ADGRL3: variants seen among roughly 807,000 people sequenced by gnomAD.
ADGRL3 encodes the protein calcium-independent alpha-latrotoxin receptor 3.
In ADGRL3, 62 loss-of-function variants were observed where a neutral mutation model predicts 153.5. That is an observed-to-expected ratio of 0.40 (90% CI 0.33 to 0.50). The LOEUF is 0.50. Ranked by LOEUF, ADGRL3 falls within the 20% of genes least tolerant of loss-of-function variation. The pLI, the probability that ADGRL3 is intolerant of heterozygous loss-of-function variation, is 0.47. For missense variants in ADGRL3, 1,641 were observed against 1,859.4 expected, an observed-to-expected ratio of 0.88 and a Z score of 2.16; for synonymous variants, 710 against 672.5, an observed-to-expected ratio of 1.06 and a Z score of -0.86.
intron 6 of ADGRL3, among the ~76,000 whole-genome samples, chr4:61,719,748 C>T (rs1032672743): frequency 1.3e-5 from 2 of 151,730 alleles, no homozygotes; most frequent in African/African-American, 4.8e-5. Context: ...ACTACAGGTG[C>T]CCACCACTAC....
chr4:61,939,415 C>G (rs577099597), intron 15 of ADGRL3, among the ~76,000 whole-genome samples: 1 of 151,872 alleles, frequency 6.6e-6, no homozygotes, highest in Non-Finnish European at 1.5e-5. Context: ...CTCTCCTCAC[C>G]TAATAAAACT....
intron 25 of ADGRL3, among the ~76,000 whole-genome samples, chr4:62,046,838 A>G (rs766682663): frequency 1.3e-5 from 2 of 151,700 alleles, no homozygotes; most frequent in South Asian, 2.1e-4. Context: ...TTATTTTTTT[A>G]TCTTAGATGA....
intron 2 of ADGRL3, among the ~76,000 whole-genome samples, chr4:61,432,641 TCTTTC>T (rs2097381674): frequency 1.2e-5 from 1 of 82,666 alleles, no homozygotes; most frequent in Non-Finnish European, 2.5e-5. Context: ...TTTCTTTCTT[TCTTTC>T]TTTCTTTCTT....
Position 61,258,092 on chromosome 4 carries a change from C to A in ADGRL3, c.-240+56327C>A, listed in dbSNP as rs542307883. On this transcript the variant is annotated intron_variant, in intron 1 of 26. Coordinates refer to ENST00000683033, the MANE Select transcript of ADGRL3 (RefSeq NM_001387552.1). ...AACCTTAGTGCAAGGACCTATCCCC[C>A]CCAGACTAAATACTGATTATCACAA... Among the ~76,000 whole-genome samples the A allele has an allele frequency of 5.3e-5, 8 of 152,284 alleles. No individual in the cohort carries two copies. In the South Asian group the frequency reaches 1.2e-3, roughly 24 times the overall value.
chr4:61,934,246 G>C (rs563696236), intron 13 of ADGRL3, among the ~76,000 whole-genome samples: 2 of 152,192 alleles, frequency 1.3e-5, no homozygotes, highest in East Asian at 3.9e-4. Flanking sequence ...GCATGAAGGA[G>C]GTTTCTCTTT....
intron 2 of ADGRL3, among the ~76,000 whole-genome samples, chr4:61,407,588 T>C (rs1202624345): frequency 6.6e-6 from 1 of 152,136 alleles, no homozygotes; most frequent in Non-Finnish European, 1.5e-5. Flanking sequence ...TAGTTTAACT[T>C]GCATCGTTTT....
intron 8 of ADGRL3, among the ~76,000 whole-genome samples, chr4:61,808,738 G>A (rs1420180066): frequency 6.8e-6 from 1 of 147,842 alleles, no homozygotes; most frequent in Non-Finnish European, 1.5e-5. Flanking sequence ...TTTTGTGTTT[G>A]TTTGTTTGTT....
rs753631322 is a variant in ADGRL3 at position 61,935,020 on chromosome 4, A to G, written c.2293A>G (p.Ile765Val). The G allele has an allele frequency of 6.2e-7, 1 of 1,613,300 alleles. No homozygotes were observed. The highest frequency in any genetic ancestry group is 8.5e-7 in the Non-Finnish European group (1 of 1,179,394). The change falls in exon 14 of 27, where the codon ATT becomes GTT. Residue 765 changes from isoleucine to valine, a missense_variant. Physicochemically the swap from Ile to Val is conservative, Grantham distance 29 (BLOSUM62 3). Around this residue, in one of 5 missense-constraint regions of ADGRL3, gnomAD observed 734 missense variants for 797.0 expected, o/e 0.92. Coordinates refer to ENST00000683033, the MANE Select transcript of ADGRL3 (RefSeq NM_001387552.1). Reference sequence around the variant, plus strand: ...CATTGTCAGGGAGAATACAGACAATATTAGTAAGTGGCCTTTGTTATTCAG... The same window carrying G: ...CATTGTCAGGGAGAATACAGACAATGTTAGTAAGTGGCCTTTGTTATTCAG... The part of the protein sequence containing the change: ...TDIVRENTDN[I>V]KLEVARLSTE...
chr4:61,400,202 T>A (rs558517808), intron 2 of ADGRL3, among the ~76,000 whole-genome samples: 1 of 151,886 alleles, frequency 6.6e-6, no homozygotes, highest in East Asian at 1.9e-4. Flanking sequence ...CTAGAAGGGT[T>A]AATTTTATAT....
At chr4:61,946,236 G>A (rs1032454996) in intron 15 of ADGRL3, among the ~76,000 whole-genome samples, 4 of 151,966 alleles carry the variant, frequency 2.6e-5, no homozygotes, top group Non-Finnish European at 1.5e-5. Flanking sequence ...TAGTGTGGTC[G>A]GTCTTTTCAA....
intron 5 of ADGRL3, among the ~76,000 whole-genome samples, chr4:61,637,502 A>C (rs1232810887): frequency 6.6e-6 from 1 of 152,124 alleles, no homozygotes. Flanking sequence ...GGTGACTTAC[A>C]CCTGTAATCC....
chr4:61,518,667 A>G (rs1197092807), intron 4 of ADGRL3, among the ~76,000 whole-genome samples: 1 of 152,122 alleles, frequency 6.6e-6, no homozygotes, highest in Non-Finnish European at 1.5e-5. Context: ...ACATCGTTCA[A>G]TCTCTCCATT....
intron 9 of ADGRL3, among the ~76,000 whole-genome samples, chr4:61,822,372 C>T (rs774125198): frequency 2.0e-5 from 3 of 149,982 alleles, no homozygotes; most frequent in Non-Finnish European, 4.5e-5. Context: ...ATTTCATACA[C>T]ATTGTCTCAA....
chr4:61,269,449 G>A (rs1434263766), intron 1 of ADGRL3, among the ~76,000 whole-genome samples: 1 of 151,748 alleles, frequency 6.6e-6, no homozygotes, highest in East Asian at 1.9e-4. Context: ...TAGCCTCATT[G>A]TACGAGACAG....
At chr4:61,663,359 G>A (rs963082187) in intron 5 of ADGRL3, among the ~76,000 whole-genome samples, 14 of 152,204 alleles carry the variant, frequency 9.2e-5, no homozygotes, top group Admixed American at 2.0e-4. Context: ...AATGCCAGCC[G>A]TAGATGCCAG....
Position 61,771,297 on chromosome 4 carries a change from C to G in ADGRL3, c.1399+37743C>G, listed in dbSNP as rs149358509. ...ATGCTTGTGGGGTGGGTTGGAAGTT[C>G]TCCAGGGACCCTTCCCTTACTGTCT... On this transcript the variant is annotated intron_variant, in intron 8 of 26. Coordinates refer to ENST00000683033, the MANE Select transcript of ADGRL3 (RefSeq NM_001387552.1). Among the ~76,000 whole-genome samples the G allele has an allele frequency of 5.9e-3, 904 of 152,306 alleles. 11 individuals carry two copies. Among genetic ancestry groups the G allele is most frequent in the African/African-American group, 0.02 (851 of 41,574 alleles).
At position 61,874,596 on chromosome 4, in the gene ADGRL3, G is replaced by GT. The variant is rs11335054; in HGVS notation, c.1481-18048dup. ...TCTTTCTTCTCGTTTGTTTGCATGT[G>GT]TTTTTTTTTTTTCATTTAAAGAATA... On this transcript the variant is annotated intron_variant, in intron 9 of 26. Transcript: ENST00000683033. 4.9e-3 allele frequency among the ~76,000 whole-genome samples: 709 copies of GT among 145,088 alleles called. 5 individuals carry two copies. The highest frequency in any genetic ancestry group is 0.036 in the South Asian group (167 of 4,592).
chr4:61,397,917 G>C (rs1478299965), intron 2 of ADGRL3, among the ~76,000 whole-genome samples: 1 of 151,864 alleles, frequency 6.6e-6, no homozygotes, highest in Non-Finnish European at 1.5e-5. Context: ...GTGGTCATTG[G>C]AGAGCTATCC....
At chr4:61,720,245 A>C (rs1466130396) in intron 6 of ADGRL3, among the ~76,000 whole-genome samples, 1 of 151,576 alleles carries the variant, frequency 6.6e-6, no homozygotes, top group African/African-American at 2.4e-5. Context: ...GCCCACCACC[A>C]CGCCCAGTTA....
Sources: allele counts gnomAD v4.1 joint callset (sites outside exome capture counted in the v4.1 genomes callset), GRCh38; gene constraint gnomAD v4.1.1; regional missense constraint gnomAD v4.1.1; transcripts MANE v1.5; gene names NCBI Gene and HGNC (gene_info 2026-07-23, HGNC 2026-07-21).